The following ADPGK variants were observed in gnomAD, a reference collection of about 807,000 sequenced individuals.
ADPGK encodes the protein ADP-dependent glucokinase.
ADPGK carries 26 observed loss-of-function variants against 42.4 expected under a neutral mutation model. That is an observed-to-expected ratio of 0.61 (90% CI 0.45 to 0.85). The LOEUF (loss-of-function observed/expected upper bound fraction) is 0.85. ADPGK is among the 40% of genes least tolerant of loss of function. The probability of loss-of-function intolerance (pLI) is 0.00; values close to 1 mark genes in which losing one functional copy is unlikely to be tolerated. For synonymous variants in ADPGK, 267 were observed against 252.6 expected, an observed-to-expected ratio of 1.06 and a Z score of -0.54; for missense variants, 571 against 627.0, an observed-to-expected ratio of 0.91 and a Z score of 0.95.
rs912339278 is a variant in ADPGK at position 72,766,613 on chromosome 15, A to G, written c.522+5170T>C. 3.9e-4 allele frequency among the ~76,000 whole-genome samples: 59 copies of G among 152,378 alleles called. 1 individual carries two copies. The highest frequency in any genetic ancestry group is 1.3e-3 in the African/African-American group (56 of 41,578). On this transcript the variant is annotated intron_variant, in intron 3 of 6. Coordinates refer to ENST00000456471, the MANE Select transcript of ADPGK (RefSeq NM_001365225.1). ...TACTTGACGATAGTACGGTGTAAAC[A>G]TACCTTTTAATGCACTGGGAAACAA...
At chr15:72,776,041 C>T (rs936697591) in intron 1 of ADPGK, among the ~76,000 whole-genome samples, 2 of 152,046 alleles carry the variant, frequency 1.3e-5, no homozygotes, top group African/African-American at 4.8e-5. Context: ...AGTTTCTATT[C>T]CTTACGTGTG....
rs1005872097 is a variant in ADPGK, at chr15:72,756,570, G to A, written c.644-123C>T. ...CCAAGCAGGCTGGTTTCTGGCTGAG[G>A]AGACCCCAGCAACAATGGCCTAAGG... is the stretch of plus-strand genomic sequence containing the variant. On this transcript the variant is annotated intron_variant, in intron 4 of 6. Coordinates refer to ENST00000456471, the MANE Select transcript of ADPGK (RefSeq NM_001365225.1). 2.3e-5 allele frequency: 24 copies of A among 1,046,166 alleles called. No individual in the cohort carries two copies. The East Asian group carries it at 6.3e-4, about 27-fold the overall frequency. The allele number at this position is 1,046,166 out of a possible 1,614,324, so 64.8% of individuals were successfully genotyped here.
chr15:72,783,683 C>G lies in ADPGK; in HGVS notation c.9G>C (p.Leu3=), dbSNP rs1448394685. 1 of 1,496,194 alleles carries G rather than the reference C, an allele frequency of 6.7e-7. No individual in the cohort carries two copies. The highest frequency in any genetic ancestry group is 8.9e-7 in the Non-Finnish European group (1 of 1,129,604). 92.7% of individuals were successfully genotyped at this position (1,496,194 alleles called of 1,614,324 possible). A position where few individuals can be genotyped will look rare whatever the true frequency, so the allele number is the denominator to read the frequency against. Residue 3 remains leucine, a synonymous_variant, in exon 1 of 7, where the codon CTG becomes CTC. Coordinates refer to ENST00000456471, the MANE Select transcript of ADPGK (RefSeq NM_001365225.1). MA[L]WRGSAYAGFL... ...AGCCCGCGTACGCGGAGCCGCGCCA[C>G]AGCGCCATGGGGACCCAGGCGCCGC...
At position 72,761,931 on chromosome 15, in the gene ADPGK, GCACAATCTCGGCTCACTGCAAT is replaced by G. The variant is rs1193755452; in HGVS notation, c.523-1426_523-1405del. ...TCCGTCACCAGGCTGGAGTGCAGTG[GCACAATCTCGGCTCACTGCAAT>G]CTCCACTTCCCAGGTTCAATCAATT... On this transcript the variant is annotated intron_variant, in intron 3 of 6. Transcript: ENST00000456471. 2.0e-5 allele frequency among the ~76,000 whole-genome samples: 3 copies of G among 152,052 alleles called. No individual in the cohort carries two copies. In the East Asian group the frequency reaches 5.8e-4, roughly 29 times the overall value.
chr15:72,754,959 T>C (rs1041232138), intron 6 of ADPGK, among the ~76,000 whole-genome samples: 5 of 152,198 alleles, frequency 3.3e-5, no homozygotes, highest in African/African-American at 1.2e-4. Context: ...GGAGACTTCA[T>C]TGTATATCTT....
At chr15:72,766,403 C>A (rs2066259998) in intron 3 of ADPGK, among the ~76,000 whole-genome samples, 1 of 152,124 alleles carries the variant, frequency 6.6e-6, no homozygotes, top group African/African-American at 2.4e-5. Context: ...TAAGAAATTG[C>A]CACAGCCACC....
chr15:72,771,973 C>T, intron 2 of ADPGK, 128 bp from the exon 3 acceptor site: 1 of 612,526 alleles, frequency 1.6e-6, no homozygotes, highest in South Asian at 3.1e-5. Context: ...GATTTTACAT[C>T]AAAGGACACA....
In ADPGK at chr15:72,752,716, G is replaced by A; in HGVS notation, c.1119C>T (p.Ala373=). The A allele has an allele frequency of 1.2e-6, 2 of 1,614,206 alleles. No individual in the cohort carries two copies. Among genetic ancestry groups the A allele is most frequent in the Non-Finnish European group, 1.7e-6 (2 of 1,180,036 alleles). ...LKEHGRSKSR[A]SDLTRIHFHT... is the part of the protein sequence containing the mutation. The stretch of plus-strand genomic sequence containing the variant: ...GGAAATGGATCCTGGTGAGATCCGA[G>A]GCTCTGCTTTTACTCCTCCCATGTT... Residue 373 remains alanine, a synonymous_variant, in exon 7 of 7, where the codon GCC becomes GCT. Coordinates refer to ENST00000456471, the MANE Select transcript of ADPGK (RefSeq NM_001365225.1).
chr15:72,759,654 C>T (rs890976140), intron 4 of ADPGK, among the ~76,000 whole-genome samples: 1 of 152,144 alleles, frequency 6.6e-6, no homozygotes, highest in East Asian at 1.9e-4. Context: ...ACCAATTAGT[C>T]TGTTTAGATG....
At position 72,752,148 on chromosome 15, in the gene ADPGK, A is replaced by C. The variant is rs1312061387; in HGVS notation, c.*193T>G. ...CTCTGTGACACACAACATAAAAAAC[A>C]AAAATCCAGTCTCATTAGCTAAATT... is the stretch of plus-strand genomic sequence containing the variant. On this transcript the variant is annotated 3_prime_UTR_variant, in exon 7 of 7. Transcript: ENST00000456471. 1 of 638,332 alleles carries C rather than the reference A, an allele frequency of 1.6e-6. No homozygotes were observed. Among genetic ancestry groups the C allele is most frequent in the Admixed American group, 3.1e-5 (1 of 32,162 alleles). 39.5% of individuals were successfully genotyped at this position (638,332 alleles called of 1,614,324 possible). A position where few individuals can be genotyped will look rare whatever the true frequency, so the allele number is the denominator to read the frequency against.
chr15:72,755,912 T>C (rs1567446276), intron 5 of ADPGK: 4 of 649,292 alleles, frequency 6.2e-6, no homozygotes, highest in Non-Finnish European at 5.7e-6. Context: ...TGTACGAATC[T>C]GTAGGAGTTG....
chr15:72,759,552 T>A (rs760948443), intron 4 of ADPGK, among the ~76,000 whole-genome samples: 3 of 152,196 alleles, frequency 2.0e-5, no homozygotes, highest in Non-Finnish European at 2.9e-5. Flanking sequence ...ATAGTTCATA[T>A]CTTATGTTAA....
At position 72,775,076 on chromosome 15, in the gene ADPGK, C is replaced by T. The variant is rs1268614232; in HGVS notation, c.255G>A (p.Val85=). Residue 85 remains valine (V), a synonymous_variant, in exon 2 of 7, where the codon GTG becomes GTA. Transcript: ENST00000456471. ...GCAAGAGCTTCACCCCTGAGAGCAC[C>T]ACATCAACACATGCATTGACTCTAG... ...VAVGVNACVD[V]VLSGVKLLQA... 2.5e-6 allele frequency: 4 copies of T among 1,614,062 alleles called. No individual in the cohort carries two copies. In the East Asian group the frequency reaches 8.9e-5, roughly 36 times the overall value.
intron 1 of ADPGK, among the ~76,000 whole-genome samples, chr15:72,782,025 C>T (rs1453417804): frequency 6.6e-6 from 1 of 152,214 alleles, no homozygotes; most frequent in African/African-American, 2.4e-5. Context: ...TGATCTTGGA[C>T]TATCAGCCTC....
At chr15:72,773,165 G>C (rs991316182) in intron 2 of ADPGK, among the ~76,000 whole-genome samples, 1 of 152,072 alleles carries the variant, frequency 6.6e-6, no homozygotes, top group African/African-American at 2.4e-5. Context: ...TTTTAAGAAA[G>C]TTTATGAATT....
At chr15:72,753,499 C>T (rs1458924505) in intron 6 of ADPGK, among the ~76,000 whole-genome samples, 4 of 152,194 alleles carry the variant, frequency 2.6e-5, no homozygotes, top group Non-Finnish European at 5.9e-5. Context: ...CCACAATATC[C>T]ACCTCCCTGT....
intron 1 of ADPGK, chr15:72,783,084 AAAGAGG>A: frequency 2.1e-6 from 1 of 470,334 alleles, no homozygotes; most frequent in Non-Finnish European, 2.9e-6. Context: ...AGTTCAGAAG[AAAGAGG>A]AAGAGTGTTG....
intron 1 of ADPGK, among the ~76,000 whole-genome samples, chr15:72,775,892 T>A (rs2066386699): frequency 6.6e-6 from 1 of 152,194 alleles, no homozygotes; most frequent in South Asian, 2.1e-4. Context: ...TCAGAGTGTT[T>A]CCGATTTTGG....
chr15:72,767,183 A>C (rs889681300), intron 3 of ADPGK, among the ~76,000 whole-genome samples: 1 of 152,156 alleles, frequency 6.6e-6, no homozygotes, highest in African/African-American at 2.4e-5. Context: ...AATATTATGA[A>C]ATGATTTTAT....
Sources: gnomAD v4.1 joint callset for allele counts (sites outside exome capture counted in the v4.1 genomes callset) on GRCh38, gnomAD v4.1.1 for gene constraint, MANE v1.5 for transcripts, NCBI Gene and HGNC (gene_info 2026-07-23, HGNC 2026-07-21) for gene names.